PTPRN2: variants seen among roughly 807,000 people sequenced by gnomAD.
The protein encoded by PTPRN2 is protein tyrosine phosphatase receptor type N2.
Under a neutral mutation model 118.8 loss-of-function variants are expected in PTPRN2, and 74 were observed. That is an observed-to-expected ratio of 0.62 (90% CI 0.52 to 0.76). The LOEUF (loss-of-function observed/expected upper bound fraction) is 0.76, where lower values mean the gene tolerates loss of function less well. Ranked by LOEUF, PTPRN2 falls within the 30% of genes least tolerant of loss-of-function variation. The pLI is 0.00. For synonymous variants in PTPRN2, 641 were observed against 608.0 expected, an observed-to-expected ratio of 1.05 and a Z score of -0.80; for missense variants, 1,481 against 1,394.4, an observed-to-expected ratio of 1.06 and a Z score of -0.99.
At chr7:157,605,123 C>A (rs1390205853) in intron 15 of PTPRN2, among the ~76,000 whole-genome samples, 1 of 152,262 alleles carries the variant, frequency 6.6e-6, no homozygotes, top group Admixed American at 6.5e-5. Flanking sequence ...CTCACACTAC[C>A]AGCCTGGGTC....
At chr7:158,357,900 C>A (rs556003717) in intron 2 of PTPRN2, among the ~76,000 whole-genome samples, 3 of 152,348 alleles carry the variant, frequency 2.0e-5, no homozygotes, top group Admixed American at 6.5e-5. Flanking sequence ...AGGGCCCCGG[C>A]CAAGCCAAGG....
chr7:158,326,142 C>G (rs768283512), intron 2 of PTPRN2, among the ~76,000 whole-genome samples: 2 of 152,234 alleles, frequency 1.3e-5, no homozygotes, highest in African/African-American at 2.4e-5. Flanking sequence ...GGAGCACAGC[C>G]GCCTCTCATG....
intron 3 of PTPRN2, among the ~76,000 whole-genome samples, chr7:158,248,094 G>A (rs1796376643): frequency 6.6e-6 from 1 of 152,204 alleles, no homozygotes. Flanking sequence ...GAGAGAATGA[G>A]TGATGCTTTA....
chr7:157,889,099 T>A (rs1796648679), intron 12 of PTPRN2, among the ~76,000 whole-genome samples: 1 of 152,056 alleles, frequency 6.6e-6, no homozygotes, highest in African/African-American at 2.4e-5. Context: ...AGGAAAAAAC[T>A]CACTTGCAAT....
At chr7:158,265,030 A>G (rs1797779395) in intron 3 of PTPRN2, among the ~76,000 whole-genome samples, 1 of 152,054 alleles carries the variant, frequency 6.6e-6, no homozygotes, top group South Asian at 2.1e-4. Flanking sequence ...CAGGCCCCAC[A>G]GCCCCCAAGC....
chr7:157,760,981 G>A (rs1180574609), intron 12 of PTPRN2, among the ~76,000 whole-genome samples: 1 of 151,972 alleles, frequency 6.6e-6, no homozygotes, highest in Non-Finnish European at 1.5e-5. Flanking sequence ...CAAATCATGA[G>A]TGAACTCCCA....
chr7:157,782,812 C>T (rs1803764026), intron 12 of PTPRN2, among the ~76,000 whole-genome samples: 1 of 152,238 alleles, frequency 6.6e-6, no homozygotes, highest in South Asian at 2.1e-4. Flanking sequence ...AGGCTTTGCT[C>T]TCTTTCCTTA....
intron 11 of PTPRN2, among the ~76,000 whole-genome samples, chr7:157,955,523 C>G (rs1456143218): frequency 1.3e-5 from 2 of 152,262 alleles, no homozygotes; most frequent in East Asian, 1.9e-4. Context: ...TCACAGATCC[C>G]CTGAGAGAAG....
Position 158,391,212 on chromosome 7 carries a change from T to C in PTPRN2, c.164-74280A>G, listed in dbSNP as rs558948110. Among the ~76,000 whole-genome samples, 218 of 152,352 alleles carry C rather than the reference T, an allele frequency of 1.4e-3. 1 individual carries two copies. Among genetic ancestry groups the C allele is most frequent in the African/African-American group, 5.1e-3 (211 of 41,582 alleles). ...ATAAAAAGAACCTGCACGAGAGACA[T>C]TGACTTCCATTCCCTGGAGGGACCC... On this transcript the variant is annotated intron_variant, in intron 2 of 22. Coordinates refer to ENST00000389418, the MANE Select transcript of PTPRN2 (RefSeq NM_002847.5).
chr7:158,434,096 T>A (rs1586664147), intron 2 of PTPRN2, among the ~76,000 whole-genome samples: 1 of 152,182 alleles, frequency 6.6e-6, no homozygotes, highest in East Asian at 1.9e-4. Context: ...GTTTATCTGA[T>A]CAAAACATTT....
intron 12 of PTPRN2, among the ~76,000 whole-genome samples, chr7:157,820,008 CCA>C (rs936620505): frequency 2.0e-5 from 3 of 150,980 alleles, no homozygotes; most frequent in East Asian, 3.9e-4. Flanking sequence ...CAGAGGCACT[CCA>C]CACACACATG....
intron 3 of PTPRN2, among the ~76,000 whole-genome samples, chr7:158,255,931 G>C (rs1563045551): frequency 6.6e-6 from 1 of 152,208 alleles, no homozygotes; most frequent in Non-Finnish European, 1.5e-5. Flanking sequence ...ACGATGCTCA[G>C]AACTACCCAG....
intron 11 of PTPRN2, chr7:158,030,245 A>T (rs1162619329): frequency 6.6e-6 from 1 of 152,206 alleles, no homozygotes; most frequent in Non-Finnish European, 1.5e-5. Context: ...GACTGCAGAA[A>T]ATAATTCACC....
At chr7:158,197,465 T>G (rs577380570) in intron 4 of PTPRN2, among the ~76,000 whole-genome samples, 5 of 152,328 alleles carry the variant, frequency 3.3e-5, no homozygotes, top group African/African-American at 1.2e-4. Context: ...TAACATTAGG[T>G]GTGTGATACC....
intron 19 of PTPRN2, among the ~76,000 whole-genome samples, chr7:157,576,406 T>C (rs1335499820): frequency 6.6e-6 from 1 of 152,204 alleles, no homozygotes; most frequent in Non-Finnish European, 1.5e-5. Context: ...CCTCACATTT[T>C]AATACCTCTG....
chr7:157,609,269 G>C lies in PTPRN2; in HGVS notation c.2345-5194C>G, dbSNP rs1802186902. 6.6e-6 allele frequency among the ~76,000 whole-genome samples: 1 copy of C among 152,174 alleles called. No homozygotes were observed. The highest frequency in any genetic ancestry group is 2.4e-5 in the African/African-American group (1 of 41,432). ...GTGGTGGTGGGCGGCTGTAATCCCA[G>C]CTACTTGGGAGGCTGAGGCAGGAGA... On this transcript the variant is annotated intron_variant, in intron 15 of 22. Transcript: ENST00000389418. The surrounding 1 kb of genome is among the most constrained non-coding windows in gnomAD (Gnocchi z 4.9).
At chr7:157,722,485 G>C (rs1392541437) in intron 12 of PTPRN2, among the ~76,000 whole-genome samples, 2 of 152,214 alleles carry the variant, frequency 1.3e-5, no homozygotes, top group African/African-American at 4.8e-5. Context: ...TGGCTCCCGT[G>C]GGTGGTGCAG....
chr7:158,154,463 G>A (rs1821517663), intron 6 of PTPRN2, among the ~76,000 whole-genome samples: 1 of 152,212 alleles, frequency 6.6e-6, no homozygotes, highest in Non-Finnish European at 1.5e-5. Flanking sequence ...TAACAACTCA[G>A]AAAAACTCTC....
intron 12 of PTPRN2, among the ~76,000 whole-genome samples, chr7:157,755,734 G>C (rs1276883266): frequency 6.6e-6 from 1 of 152,108 alleles, no homozygotes; most frequent in Admixed American, 6.6e-5. Flanking sequence ...GAGGGAGGGG[G>C]TAGGAAGGGG....
Sources: allele counts gnomAD v4.1 joint callset (sites outside exome capture counted in the v4.1 genomes callset), GRCh38; gene constraint gnomAD v4.1.1; non-coding constraint Gnocchi (gnomAD v3.1); transcripts MANE v1.5; gene names NCBI Gene and HGNC (gene_info 2026-07-23, HGNC 2026-07-21).